RBFOX1: variants seen among roughly 807,000 people sequenced by gnomAD.
RBFOX1 encodes RNA binding fox-1 homolog 1.
In RBFOX1, 8 loss-of-function variants were observed where a neutral mutation model predicts 57.7. The observed-to-expected ratio is 0.14, with a 90% confidence interval of 0.08 to 0.25. RBFOX1 has a LOEUF of 0.25. Among genes scored for constraint, RBFOX1 ranks in the 10% least tolerant of loss-of-function variants. RBFOX1 has a pLI of 1.00. For missense variants in RBFOX1, 611 were observed against 548.5 expected (o/e 1.11, Z -1.14); for synonymous variants, 326 against 222.4 (o/e 1.47, Z -4.15).
chr16:6,303,427 T>C (rs2079063833), intron 1 of RBFOX1, among the ~76,000 whole-genome samples: 1 of 152,146 alleles, frequency 6.6e-6, no homozygotes, highest in Non-Finnish European at 1.5e-5. Flanking sequence ...AGGTAGCAGC[T>C]AGCTAGTTTC....
At chr16:5,294,027 G>A (rs566318364) in intron 1 of RBFOX1, among the ~76,000 whole-genome samples, 6 of 152,154 alleles carry the variant, frequency 3.9e-5, no homozygotes, top group East Asian at 3.9e-4. Context: ...CCAGGAGTTC[G>A]AGACCTGCTT....
At chr16:5,489,072 T>C (rs1308226130) in intron 2 of RBFOX1, among the ~76,000 whole-genome samples, 1 of 152,202 alleles carries the variant, frequency 6.6e-6, no homozygotes, top group African/African-American at 2.4e-5. Flanking sequence ...TTGCCCACAG[T>C]CACACCACAA....
chr16:6,038,529 G>GAGAT (rs1555483430), intron 1 of RBFOX1: 2 of 94,780 alleles, frequency 2.1e-5, no homozygotes, highest in East Asian at 3.1e-4. Flanking sequence ...TATATCCGTG[G>GAGAT]AGATATATAT....
intron 2 of RBFOX1, among the ~76,000 whole-genome samples, chr16:6,540,563 G>A (rs1179769740): frequency 2.9e-5 from 4 of 138,934 alleles, no homozygotes; most frequent in African/African-American, 8.2e-5. Context: ...AGTGAGCCGA[G>A]ATTGCACCAC....
At chr16:7,653,787 T>G (rs2065649930) in intron 11 of RBFOX1, 28 bp from the exon 12 acceptor site, 1 of 1,580,826 alleles carries the variant, frequency 6.3e-7, no homozygotes, top group African/African-American at 1.3e-5. Flanking sequence ...GCCTGTGCTC[T>G]CTCTCTCTCT....
At chr16:6,501,577 G>A (rs1262899915) in intron 2 of RBFOX1, among the ~76,000 whole-genome samples, 1 of 151,934 alleles carries the variant, frequency 6.6e-6, no homozygotes, top group African/African-American at 2.4e-5. Context: ...CTTTGCTATT[G>A]TGAATAGTGC....
In RBFOX1 at chr16:6,019,297, T is replaced by A. The variant is rs2095023938; in HGVS notation, c.-822T>A. 2.0e-6 allele frequency: 2 copies of A among 984,944 alleles called. No homozygotes were observed. Among genetic ancestry groups the A allele is most frequent in the Non-Finnish European group, 2.4e-6 (2 of 830,108 alleles). The allele number at this position is 984,944 out of a possible 1,614,324, so 61.0% of individuals were successfully genotyped here. ...GTCTCCCGAGCGCGGGGTTTGAAGGTCACCTCCTTTCCAGTCCCCGTGCGA... is the reference window on the plus strand; with the variant it reads ...GTCTCCCGAGCGCGGGGTTTGAAGGACACCTCCTTTCCAGTCCCCGTGCGA... On this transcript the variant is annotated 5_prime_UTR_variant, in exon 1 of 16. Transcript: ENST00000550418. The surrounding 1 kb of genome is among the most constrained non-coding windows in gnomAD (Gnocchi z 4.2).
At chr16:7,434,478 AT>A (rs1226133275) in intron 4 of RBFOX1, among the ~76,000 whole-genome samples, 5 of 145,038 alleles carry the variant, frequency 3.4e-5, no homozygotes, top group South Asian at 4.5e-4. Context: ...TCTCGTTAAA[AT>A]AAATAAATAA....
chr16:6,114,554 A>G (rs968974225), intron 1 of RBFOX1, among the ~76,000 whole-genome samples: 10 of 134,092 alleles, frequency 7.5e-5, no homozygotes, highest in African/African-American at 3.5e-4. Flanking sequence ...AATCAATGGC[A>G]TAAAAGTTTT....
At chr16:6,679,878 G>GTTTTTTTTTTTTTT (rs71145274) in intron 3 of RBFOX1, among the ~76,000 whole-genome samples, 16 of 114,304 alleles carry the variant, frequency 1.4e-4, no homozygotes, top group African/African-American at 2.7e-4. Flanking sequence ...GTTTCTACTT[G>GTTTTTTTTTTTTTT]TTTTTTTTTT....
chr16:7,273,258 C>CTTCT (rs1567986286), intron 4 of RBFOX1, among the ~76,000 whole-genome samples: 1 of 136,592 alleles, frequency 7.3e-6, no homozygotes, highest in Non-Finnish European at 1.5e-5. Context: ...TCCTTCCTTC[C>CTTCT]TTCCTCCCTT....
At chr16:6,466,310 A>C (rs892575445) in intron 2 of RBFOX1, among the ~76,000 whole-genome samples, 1 of 151,892 alleles carries the variant, frequency 6.6e-6, no homozygotes, top group African/African-American at 2.4e-5. Context: ...TCTTAACATC[A>C]TTGGTTTGTT....
chr16:6,888,298 C>T (rs1168164310), intron 3 of RBFOX1, among the ~76,000 whole-genome samples: 1 of 152,170 alleles, frequency 6.6e-6, no homozygotes, highest in African/African-American at 2.4e-5. Context: ...TTAAGTCCTG[C>T]TCTTGAAAGT....
intron 5 of RBFOX1, among the ~76,000 whole-genome samples, chr16:7,541,670 C>G (rs993611569): frequency 5.3e-5 from 8 of 152,142 alleles, no homozygotes; most frequent in Non-Finnish European, 1.2e-4. Flanking sequence ...TTCGGGAAAG[C>G]TCAAAAGAAT....
intron 3 of RBFOX1, among the ~76,000 whole-genome samples, chr16:5,675,365 G>A (rs8044289): frequency 0.089 from 13,610 of 152,126 alleles, 2,032 homozygotes; most frequent in African/African-American, 0.31. Flanking sequence ...ATCATTTCTA[G>A]ACTTTGGGCT....
chr16:5,538,105 T>C (rs1297160442), intron 2 of RBFOX1, among the ~76,000 whole-genome samples: 1 of 152,078 alleles, frequency 6.6e-6, no homozygotes, highest in African/African-American at 2.4e-5. Flanking sequence ...AAAGTTGTGG[T>C]TGACTCGAGC....
chr16:5,630,349 C>G (rs1378130045), intron 3 of RBFOX1, among the ~76,000 whole-genome samples: 1 of 151,998 alleles, frequency 6.6e-6, no homozygotes, highest in Non-Finnish European at 1.5e-5. Flanking sequence ...CCCAGCTACT[C>G]AGGAGGCTGA....
At chr16:6,649,177 A>G (rs2098556800) in intron 2 of RBFOX1, among the ~76,000 whole-genome samples, 1 of 152,006 alleles carries the variant, frequency 6.6e-6, no homozygotes, top group Non-Finnish European at 1.5e-5. Context: ...TATTTTTTGT[A>G]TTTGTTTCAT....
chr16:7,226,340 G>T (rs1025790636), intron 4 of RBFOX1, among the ~76,000 whole-genome samples: 2 of 152,204 alleles, frequency 1.3e-5, no homozygotes, highest in Admixed American at 1.3e-4. Context: ...TCAAAGAAGT[G>T]CAGTGTGTAA....
Sources: allele counts gnomAD v4.1 joint callset (sites outside exome capture counted in the v4.1 genomes callset), GRCh38; gene constraint gnomAD v4.1.1; non-coding constraint Gnocchi (gnomAD v3.1); transcripts MANE v1.5; gene names NCBI Gene and HGNC (gene_info 2026-07-23, HGNC 2026-07-21).